The following PCDHGB1 variants were observed in gnomAD, a reference collection of about 807,000 sequenced individuals.
PCDHGB1 encodes protocadherin gamma-B1.
PCDHGB1 carries 34 observed loss-of-function variants against 56.6 expected under a neutral mutation model. That is an observed-to-expected ratio of 0.60 (90% CI 0.46 to 0.80). The LOEUF is 0.80. PCDHGB1 is among the 30% of genes least tolerant of loss of function. The pLI is 0.00. For missense variants in PCDHGB1, 1,278 were observed against 1,204.6 expected (o/e 1.06, Z -0.90); for synonymous variants, 561 against 505.9 (o/e 1.11, Z -1.46).
chr5:141,469,511 G>A (rs2099203340), intron 1 of PCDHGB1, among the ~76,000 whole-genome samples: 1 of 152,038 alleles, frequency 6.6e-6, no homozygotes, highest in African/African-American at 2.4e-5. Flanking sequence ...GGAGGTGGAG[G>A]TTGCAGTGAG....
At position 141,352,148 on chromosome 5, in the gene PCDHGB1, G is replaced by A. The variant is rs777837262; in HGVS notation, c.1888G>A (p.Asp630Asn). 2 of 1,612,336 alleles carry A rather than the reference G, an allele frequency of 1.2e-6. No homozygotes were observed. Among genetic ancestry groups the A allele is most frequent in the African/African-American group, 2.7e-5 (2 of 74,908 alleles). ...GGTGCGCACAGCGCGTGCCTTGGGC[G>A]ACAGGGACGCGGCCCGCCAGCGCCT... ...GEVRTARALG[D>N]RDAARQRLLV... Residue 630 changes from aspartate to asparagine, a missense_variant, in exon 1 of 4, where the codon GAC becomes AAC. Coordinates refer to ENST00000523390, the MANE Select transcript of PCDHGB1 (RefSeq NM_018922.3).
At chr5:141,355,221 C>G (rs756437082) in intron 1 of PCDHGB1, 1 of 1,608,638 alleles carries the variant, frequency 6.2e-7, no homozygotes, top group Non-Finnish European at 8.5e-7. Context: ...CTCCTGCTCG[C>G]CCAGACCACA....
At chr5:141,414,679 G>A in intron 1 of PCDHGB1, 1 of 1,613,960 alleles carries the variant, frequency 6.2e-7, no homozygotes. Flanking sequence ...CACCATCCAG[G>A]GGGTACCTCT....
rs1399844519 is a variant in PCDHGB1 at position 141,477,484 on chromosome 5, A to G, written c.2410-17323A>G. 1.2e-6 allele frequency: 2 copies of G among 1,614,014 alleles called. No homozygotes were observed. The highest frequency in any genetic ancestry group is 1.7e-6 in the Non-Finnish European group (2 of 1,180,006). ...CCGACATCAATGACAACCCTCCACAATCTTCTCAATCTTCCTACGACGTTT... is the reference window on the plus strand; with the variant it reads ...CCGACATCAATGACAACCCTCCACAGTCTTCTCAATCTTCCTACGACGTTT... On this transcript the variant is annotated intron_variant, in intron 1 of 3. Coordinates refer to ENST00000523390, the MANE Select transcript of PCDHGB1 (RefSeq NM_018922.3). This position sits in a 1 kb window ranked among gnomAD's most constrained non-coding sequence, Gnocchi z 4.9.
In PCDHGB1 at chr5:141,431,710, G is replaced by A. The variant is rs1249423969; in HGVS notation, c.2410-63097G>A. On this transcript the variant is annotated intron_variant, in intron 1 of 3. Coordinates refer to ENST00000523390, the MANE Select transcript of PCDHGB1 (RefSeq NM_018922.3). The surrounding 1 kb of genome is among the most constrained non-coding windows in gnomAD (Gnocchi z 4.8). ...ACGAGGAGTCAGGATTCTACCAGAT[G>A]GAAGTGCAAGCAATGGATAATGCAG... is the stretch of plus-strand genomic sequence containing the variant. 3.1e-6 allele frequency: 5 copies of A among 1,614,116 alleles called. No individual in the cohort carries two copies. Among genetic ancestry groups the A allele is most frequent in the South Asian group, 1.1e-5 (1 of 91,088 alleles).
intron 1 of PCDHGB1, chr5:141,415,748 T>TTG (rs2095929710): frequency 9.9e-7 from 1 of 1,008,886 alleles, no homozygotes; most frequent in South Asian, 2.7e-5. Context: ...AGGTTTTTTT[T>TTG]TTTTTTTTTT....
chr5:141,505,742 G>A (rs1024914690), intron 3 of PCDHGB1, among the ~76,000 whole-genome samples: 1 of 152,150 alleles, frequency 6.6e-6, no homozygotes, highest in Non-Finnish European at 1.5e-5. Flanking sequence ...TACAAGTCTA[G>A]CTCTGGAATG....
chr5:141,423,157 G>A (rs527921011), intron 1 of PCDHGB1: 1 of 1,610,820 alleles, frequency 6.2e-7, no homozygotes, highest in Non-Finnish European at 8.5e-7. Flanking sequence ...GCAGAGCCTC[G>A]TGGTGGCCGT....
chr5:141,375,003 T>C lies in PCDHGB1; in HGVS notation c.2409+22334T>C, dbSNP rs376283841. The C allele has an allele frequency of 7.7e-5, 124 of 1,613,936 alleles. No individual in the cohort carries two copies. Among genetic ancestry groups the C allele is most frequent in the Non-Finnish European group, 1.0e-4 (120 of 1,179,910 alleles). The stretch of plus-strand genomic sequence containing the variant: ...GGAGAAATTTCAACTTCTGCAAATC[T>C]AGACTATGAGGACTCGAGTTTTTAT... On this transcript the variant is annotated intron_variant, in intron 1 of 3. Transcript: ENST00000523390.
rs753294833 is a variant in PCDHGB1, at chr5:141,350,229, A to G, written c.-32A>G. On this transcript the variant is annotated 5_prime_UTR_variant, in exon 1 of 4. Coordinates refer to ENST00000523390, the MANE Select transcript of PCDHGB1 (RefSeq NM_018922.3). ...GCCATTTCTTTTTGAAAAACATCCC[A>G]GAGGAAAGAAGCTCCGCGGAGAGTT... is the stretch of plus-strand genomic sequence containing the variant. 2.0e-6 allele frequency: 3 copies of G among 1,500,888 alleles called. No individual in the cohort carries two copies. In the East Asian group the frequency reaches 6.9e-5, roughly 34 times the overall value. The allele number at this position is 1,500,888 out of a possible 1,614,324, so 93.0% of individuals were successfully genotyped here.
chr5:141,399,745 G>A (rs1472441281), intron 1 of PCDHGB1: 2 of 1,613,194 alleles, frequency 1.2e-6, no homozygotes, highest in African/African-American at 2.7e-5. Flanking sequence ...TGCGCTCAGC[G>A]CAAACGTGAG....
chr5:141,357,466 G>C (rs1760618081), intron 1 of PCDHGB1: 3 of 1,614,062 alleles, frequency 1.9e-6, no homozygotes, highest in Admixed American at 3.3e-5. Flanking sequence ...CTATTCCCAC[G>C]AGGTCTCCCT....
intron 1 of PCDHGB1, chr5:141,374,073 A>G (rs1201568464): frequency 2.6e-6 from 4 of 1,510,034 alleles, no homozygotes; most frequent in Non-Finnish European, 2.7e-6. Context: ...GAAGTTCCTA[A>G]TAAGCCAGTA....
At chr5:141,371,506 C>G in intron 1 of PCDHGB1, 1 of 1,613,856 alleles carries the variant, frequency 6.2e-7, no homozygotes, top group Non-Finnish European at 8.5e-7. Flanking sequence ...CTGATCAAAA[C>G]ACATGATCTA....
At chr5:141,462,896 A>G (rs1280422442) in intron 1 of PCDHGB1, among the ~76,000 whole-genome samples, 1 of 152,142 alleles carries the variant, frequency 6.6e-6, no homozygotes, top group African/African-American at 2.4e-5. Context: ...TTGTTTTGGA[A>G]GGCTATTATG....
intron 1 of PCDHGB1, chr5:141,407,933 TG>T: frequency 2.0e-6 from 1 of 505,054 alleles, no homozygotes; most frequent in Non-Finnish European, 3.4e-6. Flanking sequence ...ACGGAGCCTC[TG>T]GGCGCCGCTG....
intron 1 of PCDHGB1, among the ~76,000 whole-genome samples, chr5:141,474,163 T>A (rs958292802): frequency 2.0e-5 from 3 of 152,178 alleles, no homozygotes; most frequent in Non-Finnish European, 2.9e-5. Flanking sequence ...ATGACAGGCC[T>A]TATTATTGAG....
intron 1 of PCDHGB1, chr5:141,393,214 A>AT (rs1561641117): frequency 1.2e-6 from 2 of 1,613,518 alleles, no homozygotes; most frequent in East Asian, 2.2e-5. Flanking sequence ...CCAAAATTCC[A>AT]GGTCGAAGAT....
chr5:141,366,362 A>G (rs768343198), intron 1 of PCDHGB1: 1 of 1,613,968 alleles, frequency 6.2e-7, no homozygotes, highest in Non-Finnish European at 8.5e-7. Context: ...CCTAGGCAGT[A>G]TCAAGACCCC....
Sources: gnomAD v4.1 joint callset for allele counts (sites outside exome capture counted in the v4.1 genomes callset) on GRCh38, gnomAD v4.1.1 for gene constraint, Gnocchi (gnomAD v3.1) non-coding constraint, MANE v1.5 for transcripts, NCBI Gene and HGNC (gene_info 2026-07-23, HGNC 2026-07-21) for gene names.